IQGAP3: variants seen among roughly 807,000 people sequenced by gnomAD.
IQGAP3 encodes ras GTPase-activating-like protein IQGAP3.
A neutral mutation model predicts 208.2 loss-of-function variants in IQGAP3; 165 were observed. That is an observed-to-expected ratio of 0.79 (90% CI 0.70 to 0.90). IQGAP3 has a LOEUF of 0.90. IQGAP3 is among the 40% of genes least tolerant of loss of function. The pLI is 0.00. For missense variants in IQGAP3, 1,811 were observed against 2,043.1 expected (o/e 0.89, Z 2.19); for synonymous variants, 703 against 803.6 (o/e 0.87, Z 2.12).
chr1:156,570,626 C>A lies in IQGAP3; in HGVS notation c.38-1163G>T, dbSNP rs373639876. Among the ~76,000 whole-genome samples the A allele has an allele frequency of 6.6e-5, 10 of 152,318 alleles. No homozygotes were observed. In the South Asian group the frequency reaches 2.1e-3, roughly 32 times the overall value. ...CAGGTGATCTTCCCACCTCAGCCCC[C>A]CCACCACCAAATAGCTGGGACCACA... On this transcript the variant is annotated intron_variant, in intron 1 of 37. Coordinates refer to ENST00000361170, the MANE Select transcript of IQGAP3 (RefSeq NM_178229.5).
chr1:156,563,420 C>A (rs374946797), intron 7 of IQGAP3, 108 bp from the exon 8 acceptor site: 74 of 1,355,212 alleles, frequency 5.5e-5, no homozygotes, highest in Middle Eastern at 4.7e-4. Flanking sequence ...CCCTCAAGGG[C>A]CAGACAAACC....
chr1:156,545,956 C>G (rs1025722348), intron 19 of IQGAP3, among the ~76,000 whole-genome samples: 2 of 152,194 alleles, frequency 1.3e-5, no homozygotes, highest in African/African-American at 4.8e-5. Flanking sequence ...CCAGCTTTCC[C>G]TCAAGGCTTA....
At chr1:156,554,414 A>G (rs752664526) in intron 12 of IQGAP3, 22 bp from the exon 13 acceptor site, 39 of 1,579,808 alleles carry the variant, frequency 2.5e-5, no homozygotes, top group Middle Eastern at 1.7e-4. Flanking sequence ...GGGAGGGCCA[A>G]TTCCCAAGTG....
intron 1 of IQGAP3, among the ~76,000 whole-genome samples, chr1:156,572,023 G>A (rs6670982): frequency 0.061 from 9,263 of 152,192 alleles, 969 homozygotes; most frequent in African/African-American, 0.21. Context: ...TCTGGGACAG[G>A]TCCCAGGAAT....
At chr1:156,561,047 A>G (rs776691803) in intron 10 of IQGAP3, 26 bp from the exon 11 acceptor site, 6 of 1,547,858 alleles carry the variant, frequency 3.9e-6, no homozygotes, top group Non-Finnish European at 5.4e-6. Context: ...GATACAGTAG[A>G]ATGGAGTCCT....
Position 156,534,597 on chromosome 1 carries a change from A to C in IQGAP3, c.3644T>G (p.Leu1215Arg). 1 of 1,612,534 alleles carries C rather than the reference A, an allele frequency of 6.2e-7. No individual in the cohort carries two copies. Residue 1215 changes from leucine (L) to arginine (R), a missense_variant, in exon 29 of 38, where the codon CTC (leucine) becomes CGC (arginine). Physicochemically the swap from Leu to Arg is moderately radical, Grantham distance 102. Transcript: ENST00000361170. ...CTTGCCAGCCGCAGCGTGCTGTAGG[A>C]GCTGAGCCACAGCCCCCAGGGCATG... ...QRHALGAVAQ[L>R]LQHAAAGKAF...
At chr1:156,543,894 G>T (rs1675103797) in intron 22 of IQGAP3, 87 bp downstream of exon 22, 2 of 1,113,550 alleles carry the variant, frequency 1.8e-6, no homozygotes, top group Non-Finnish European at 2.7e-6. Flanking sequence ...TACCTGCTGT[G>T]CAGTCGCAGA....
chr1:156,541,914 T>A (rs1433720154), intron 22 of IQGAP3, among the ~76,000 whole-genome samples: 3 of 152,112 alleles, frequency 2.0e-5, no homozygotes, highest in African/African-American at 7.2e-5. Context: ...ACACCCCAGA[T>A]GTCGGTGAAA....
At chr1:156,567,380 C>T (rs562540974) in intron 2 of IQGAP3, among the ~76,000 whole-genome samples, 1 of 152,226 alleles carries the variant, frequency 6.6e-6, no homozygotes, top group East Asian at 1.9e-4. Flanking sequence ...GTCCGAAGGC[C>T]CCCTTTCCAA....
chr1:156,536,902 G>A (rs1571319793), intron 27 of IQGAP3: 1 of 281,328 alleles, frequency 3.6e-6, no homozygotes, highest in South Asian at 1.4e-4. Flanking sequence ...TTTGCTCTTA[G>A]CTAATAAAGT....
At chr1:156,527,896 G>A in intron 37 of IQGAP3, 56 bp downstream of exon 37, 1 of 1,235,552 alleles carries the variant, frequency 8.1e-7, no homozygotes, top group Non-Finnish European at 1.2e-6. Context: ...GCTCTCTTCA[G>A]GCCAGCACCT....
At chr1:156,557,383 A>G (rs1356104502) in intron 11 of IQGAP3, among the ~76,000 whole-genome samples, 1 of 11,516 alleles carries the variant, frequency 8.7e-5, no homozygotes, top group African/African-American at 1.8e-4. Flanking sequence ...TCCGGGAGGG[A>G]GGTGGGGGGG....
chr1:156,562,764 C>G, intron 8 of IQGAP3, 99 bp from the exon 9 acceptor site: 1 of 1,052,182 alleles, frequency 9.5e-7, no homozygotes, highest in Non-Finnish European at 1.5e-6. Context: ...TTCTGGGGAC[C>G]TTCCCAAGGC....
rs1322251401 is a variant in IQGAP3, at chr1:156,529,054, T to C, written c.4433A>G (p.His1478Arg). Residue 1478 changes from histidine (H) to arginine (R), a missense_variant, in exon 35 of 38, where the codon CAC (histidine) becomes CGC (arginine). Physicochemically the swap from His to Arg is conservative, Grantham distance 29. Coordinates refer to ENST00000361170, the MANE Select transcript of IQGAP3 (RefSeq NM_178229.5). ...KDIRNQHRHR[H>R]RRKAELVKLQ... is the part of the protein sequence containing the mutation. ...CTTCACCAGCTCTGCCTTCCGCCTG[T>C]GCCTGTGTCTGTGCTGGTTGCGGAT... The C allele has an allele frequency of 1.2e-6, 2 of 1,614,240 alleles. No homozygotes were observed. Among genetic ancestry groups the C allele is most frequent in the Non-Finnish European group, 1.7e-6 (2 of 1,180,044 alleles).
chr1:156,564,499 G>C (rs567044878), intron 5 of IQGAP3, 116 bp downstream of exon 5: 3 of 776,614 alleles, frequency 3.9e-6, no homozygotes, highest in East Asian at 4.9e-5. Context: ...TCACTCTCCT[G>C]AGCAGTGCTC....
intron 4 of IQGAP3, among the ~76,000 whole-genome samples, chr1:156,565,822 C>G (rs1216732652): frequency 6.6e-6 from 1 of 152,184 alleles, no homozygotes; most frequent in East Asian, 1.9e-4. Context: ...AACTTCACCT[C>G]CTTTCATCCA....
chr1:156,562,478 A>G, intron 9 of IQGAP3, 109 bp downstream of exon 9: 1 of 886,898 alleles, frequency 1.1e-6, no homozygotes, highest in Non-Finnish European at 1.9e-6. Flanking sequence ...GAGTTGGCCC[A>G]AATGAGACCA....
intron 15 of IQGAP3, 138 bp downstream of exon 15, chr1:156,551,567 A>T: frequency 1.2e-6 from 1 of 866,596 alleles, no homozygotes; most frequent in Non-Finnish European, 1.7e-6. Context: ...CTTCTTTACC[A>T]GATTGGAACA....
In IQGAP3 at chr1:156,534,716, C is replaced by T. The variant is rs781395798; in HGVS notation, c.3525G>A (p.Leu1175=). ...CAGCTGGGTTCAGGAAGCGGTAGTACAGGAGGTTCCCGACCACCTGAGGGC... is the reference window on the plus strand; with the variant it reads ...CAGCTGGGTTCAGGAAGCGGTAGTATAGGAGGTTCCCGACCACCTGAGGGC... ...SEVYKVVGNL[L]YYRFLNPAVV... The change falls in exon 29 of 38, where the codon CTG becomes CTA. Residue 1175 remains leucine (L), a synonymous_variant. Transcript: ENST00000361170. 14 of 1,579,146 alleles carry T rather than the reference C, an allele frequency of 8.9e-6. No homozygotes were observed. In the African/African-American group the frequency reaches 1.4e-4, roughly 15 times the overall value.
Sources: gnomAD v4.1 joint callset for allele counts (sites outside exome capture counted in the v4.1 genomes callset) on GRCh38, gnomAD v4.1.1 for gene constraint, MANE v1.5 for transcripts, NCBI Gene and HGNC (gene_info 2026-07-23, HGNC 2026-07-21) for gene names.